The following ULK1 variants were observed in gnomAD, a reference collection of about 807,000 sequenced individuals.
The protein encoded by ULK1 is serine/threonine-protein kinase ULK1.
ULK1 carries 48 observed loss-of-function variants against 117.5 expected under a neutral mutation model. That is an observed-to-expected ratio of 0.41 (90% CI 0.32 to 0.52). The LOEUF (loss-of-function observed/expected upper bound fraction) is 0.52. Among genes scored for constraint, ULK1 ranks in the 20% least tolerant of loss-of-function variants. ULK1 has a pLI of 0.29. For missense variants in ULK1, 1,387 were observed against 1,473.4 expected, an observed-to-expected ratio of 0.94 and a Z score of 0.96; for synonymous variants, 790 against 637.8, an observed-to-expected ratio of 1.24 and a Z score of -3.60.
rs765074624 is a variant in ULK1, at chr12:131,917,546, T to G, written c.2318T>G (p.Met773Arg). 7.0e-7 allele frequency: 1 copy of G among 1,430,060 alleles called. No individual in the cohort carries two copies. The highest frequency in any genetic ancestry group is 2.7e-5 in the Admixed American group (1 of 37,684). 88.6% of individuals were successfully genotyped at this position (1,430,060 alleles called of 1,614,324 possible). A position where few individuals can be genotyped will look rare whatever the true frequency, so the allele number is the denominator to read the frequency against. Residue 773 changes from methionine to arginine, a missense_variant, in exon 22 of 28, where the codon ATG becomes AGG. Met to Arg is a moderately conservative substitution (Grantham distance 91). Around this residue, in one of 4 missense-constraint regions of ULK1, gnomAD observed 900 missense variants for 858.9 expected, o/e 1.05. Transcript: ENST00000321867. ...CCCCCCCAGGGCCCCCGCACCAGGA[T>G]GTTCTCAGGTGAGGGCTGGCTAGGC... ...STPPQGPRTR[M>R]FSAGPTGSAS...
intron 22 of ULK1, 31 bp downstream of exon 22, chr12:131,917,585 C>CT: frequency 7.3e-7 from 1 of 1,361,850 alleles, no homozygotes; most frequent in Admixed American, 2.9e-5. Flanking sequence ...AGCCCTGTCC[C>CT]TTTTGGGGTG....
At chr12:131,901,087 A>C (rs1889068017) in intron 3 of ULK1, among the ~76,000 whole-genome samples, 1 of 151,426 alleles carries the variant, frequency 6.6e-6, no homozygotes, top group Admixed American at 6.6e-5. Context: ...GACTGGGCAC[A>C]GTGGCTCACG....
In ULK1 at chr12:131,913,263, GCCCCCAT is replaced by G. The variant is rs777141813; in HGVS notation, c.1157+9_1157+15del. ...AGACAGCCTGATGTGCAGTGGGTGA[GCCCCCAT>G]CCCTTACCTCTGTATTTTAGGGGAG... is the stretch of plus-strand genomic sequence containing the variant. On this transcript the variant is annotated splice_donor_region_variant and intron_variant, in intron 14 of 27. Coordinates refer to ENST00000321867, the MANE Select transcript of ULK1 (RefSeq NM_003565.4). 5.5e-5 allele frequency: 86 copies of G among 1,569,812 alleles called. No homozygotes were observed. In the East Asian group the frequency reaches 2.1e-3, roughly 38 times the overall value.
chr12:131,918,966 T>TGCAGGGGGTGGGGG (rs1890018511), intron 23 of ULK1, among the ~76,000 whole-genome samples: 1 of 40,336 alleles, frequency 2.5e-5, no homozygotes, highest in African/African-American at 7.6e-5. Context: ...GGGTGTGGGG[T>TGCAGGGGGTGGGGG]GCAGGGTGTG....
chr12:131,910,869 C>A, intron 12 of ULK1, 69 bp downstream of exon 12: 1 of 1,597,008 alleles, frequency 6.3e-7, no homozygotes, highest in Non-Finnish European at 8.5e-7. Context: ...CAGCCCTGGG[C>A]CCCCGCGGGG....
At position 131,903,431 on chromosome 12, in the gene ULK1, C is replaced by T. The variant is rs142563705; in HGVS notation, c.247-3461C>T. On this transcript the variant is annotated intron_variant, in intron 3 of 27. Transcript: ENST00000321867. This position sits in a 1 kb window ranked among gnomAD's most constrained non-coding sequence, Gnocchi z 6.0. Reference sequence around the variant, plus strand: ...CCAACCTCTGGGGCCTCAGTGTGCTCGTATGGGAAGTGGGCTGGTTATGGC... The same window carrying T: ...CCAACCTCTGGGGCCTCAGTGTGCTTGTATGGGAAGTGGGCTGGTTATGGC... Among the ~76,000 whole-genome samples the T allele has an allele frequency of 7.6e-4, 115 of 152,284 alleles. No individual in the cohort carries two copies. The highest frequency in any genetic ancestry group is 6.8e-3 in the Middle Eastern group (2 of 294).
chr12:131,909,319 C>G, intron 8 of ULK1, 82 bp downstream of exon 8: 2 of 1,417,996 alleles, frequency 1.4e-6, no homozygotes, highest in Non-Finnish European at 1.9e-6. Context: ...CCCTGCGAGC[C>G]CTGCCCGCGC....
intron 1 of ULK1, 23 bp downstream of exon 1, chr12:131,895,135 G>A: frequency 1.3e-6 from 2 of 1,493,722 alleles, no homozygotes; most frequent in South Asian, 1.2e-5. Flanking sequence ...TCCGGCCCGG[G>A]ATCCCCCGCC....
At chr12:131,895,375 AACCCTC>A (rs1211922352) in intron 1 of ULK1, among the ~76,000 whole-genome samples, 1 of 146,330 alleles carries the variant, frequency 6.8e-6, no homozygotes, top group Non-Finnish European at 1.5e-5. Flanking sequence ...TTCCTGTCCA[AACCCTC>A]ACCCCGGGAC....
chr12:131,913,282 G>A (rs761079546), intron 14 of ULK1, 24 bp downstream of exon 14: 18 of 1,527,520 alleles, frequency 1.2e-5, no homozygotes, highest in Non-Finnish European at 1.5e-5. Flanking sequence ...CCTTACCTCT[G>A]TATTTTAGGG....
rs1566126197 is a variant in ULK1 at position 131,917,081 on chromosome 12, C to CTCGGAGGCTGTGGGACGGGGG, written c.2182+34_2182+35insCGGGGGTCGGAGGCTGTGGGA. ...GAGATCGGTGTGTGGGTGGGTGGGG[C>CTCGGAGGCTGTGGGACGGGGG]TCGGAGGCTGTGGGATGGGGGTCGG... On this transcript the variant is annotated intron_variant, in intron 21 of 27. Coordinates refer to ENST00000321867, the MANE Select transcript of ULK1 (RefSeq NM_003565.4). The CTCGGAGGCTGTGGGACGGGGG allele has an allele frequency of 5.6e-4, 674 of 1,199,430 alleles. 94 individuals carry two copies. The highest frequency in any genetic ancestry group is 1.3e-3 in the South Asian group (93 of 69,348). The allele number at this position is 1,199,430 out of a possible 1,614,324, so 74.3% of individuals were successfully genotyped here.
intron 3 of ULK1, among the ~76,000 whole-genome samples, chr12:131,901,909 GGTT>G (rs1371866889): frequency 6.6e-6 from 1 of 152,150 alleles, no homozygotes; most frequent in Non-Finnish European, 1.5e-5. Flanking sequence ...CTCGCACTGG[GGTT>G]GTTTCCTGCT....
In ULK1 at chr12:131,921,782, G is replaced by T; in HGVS notation, c.*421G>T. ...GAGCCTGCGGCCTCGGCGTCCCCCA[G>T]TCTCCAGGAGCCTCTCCCTCCGAGA... On this transcript the variant is annotated 3_prime_UTR_variant, in exon 28 of 28. Transcript: ENST00000321867. The T allele has an allele frequency of 2.0e-6, 1 of 506,450 alleles. No individual in the cohort carries two copies. Among genetic ancestry groups the T allele is most frequent in the South Asian group, 1.5e-5 (1 of 64,994 alleles). The allele number at this position is 506,450 out of a possible 1,614,324, so 31.4% of individuals were successfully genotyped here.
chr12:131,919,426 G>A, intron 24 of ULK1, 42 bp downstream of exon 24: 1 of 1,580,146 alleles, frequency 6.3e-7, no homozygotes, highest in African/African-American at 1.3e-5. Context: ...TGGTGGCCTG[G>A]GGGCCAGGAC....
intron 19 of ULK1, 51 bp downstream of exon 19, chr12:131,916,210 GTGGGAA>G (rs753744386): frequency 3.2e-6 from 5 of 1,586,422 alleles, no homozygotes; most frequent in Non-Finnish European, 4.3e-6. Flanking sequence ...GGGAAGATGT[GTGGGAA>G]TGGCCAGTCC....
intron 6 of ULK1, 38 bp from the exon 7 acceptor site, chr12:131,908,860 C>T: frequency 6.2e-7 from 1 of 1,606,188 alleles, no homozygotes; most frequent in Non-Finnish European, 8.5e-7. Context: ...GGGAGGGGCT[C>T]CGGGGCCGGC....
At position 131,914,514 on chromosome 12, in the gene ULK1, G is replaced by A. The variant is rs750583319; in HGVS notation, c.1373+37G>A. ...GCCCCCAGGTAGCCAGGCGTGGCTG[G>A]GGCCTTGTGTGGCAGGAGCCCTTCC... On this transcript the variant is annotated intron_variant, in intron 16 of 27. Coordinates refer to ENST00000321867, the MANE Select transcript of ULK1 (RefSeq NM_003565.4). 3 of 1,597,490 alleles carry A rather than the reference G, an allele frequency of 1.9e-6. No homozygotes were observed. The Admixed American group carries it at 5.1e-5, about 27-fold the overall frequency.
chr12:131,917,064 T>G lies in ULK1; in HGVS notation c.2182+2T>G, dbSNP rs1312012307. On this transcript the variant is annotated splice_donor_variant, in intron 21 of 27. Coordinates refer to ENST00000321867, the MANE Select transcript of ULK1 (RefSeq NM_003565.4). LOFTEE classifies it high-confidence loss of function. Reference sequence around the variant, plus strand: ...TGCAGGAGAAGCCCATGGAGATCGGTGTGTGGGTGGGTGGGGCTCGGAGGC... The same window carrying G: ...TGCAGGAGAAGCCCATGGAGATCGGGGTGTGGGTGGGTGGGGCTCGGAGGC... 4.9e-5 allele frequency: 60 copies of G among 1,212,528 alleles called. No individual in the cohort carries two copies. Among genetic ancestry groups the G allele is most frequent in the East Asian group, 9.7e-5 (2 of 20,636 alleles). The allele number at this position is 1,212,528 out of a possible 1,614,324, so 75.1% of individuals were successfully genotyped here.
At chr12:131,916,369 C>G in intron 19 of ULK1, 29 bp from the exon 20 acceptor site, 1 of 1,535,938 alleles carries the variant, frequency 6.5e-7, no homozygotes, top group Non-Finnish European at 8.8e-7. Context: ...ACCTGCGGGG[C>G]AGTCTTCACC....
Sources: allele counts gnomAD v4.1 joint callset (sites outside exome capture counted in the v4.1 genomes callset), GRCh38; gene constraint gnomAD v4.1.1; regional missense constraint gnomAD v4.1.1; non-coding constraint Gnocchi (gnomAD v3.1); transcripts MANE v1.5; gene names NCBI Gene and HGNC (gene_info 2026-07-23, HGNC 2026-07-21).